The following HS3ST4 variants were observed in gnomAD, a reference collection of about 807,000 sequenced individuals.
HS3ST4 encodes heparan sulfate glucosamine 3-O-sulfotransferase 4.
HS3ST4 carries 17 observed loss-of-function variants against 29.2 expected under a neutral mutation model. The ratio of observed to expected loss-of-function variants is 0.58; its 90% confidence interval spans 0.40 to 0.87. The LOEUF is 0.87. HS3ST4 is among the 40% of genes least tolerant of loss of function. The probability of loss-of-function intolerance (pLI) is 0.00; values close to 1 mark genes in which losing one functional copy is unlikely to be tolerated. For missense variants in HS3ST4, 627 were observed against 634.5 expected, an observed-to-expected ratio of 0.99 and a Z score of 0.13; for synonymous variants, 314 against 285.7, an observed-to-expected ratio of 1.10 and a Z score of -1.00.
At chr16:25,736,492 A>G (rs11639702) in intron 1 of HS3ST4, among the ~76,000 whole-genome samples, 34,972 of 152,166 alleles carry the variant, frequency 0.23, 4,773 homozygotes, top group East Asian at 0.63. Flanking sequence ...TCGAATCTGT[A>G]AGATGCACTC....
chr16:26,055,835 C>T (rs867775624), intron 1 of HS3ST4, among the ~76,000 whole-genome samples: 4 of 152,076 alleles, frequency 2.6e-5, no homozygotes, highest in African/African-American at 9.7e-5. Flanking sequence ...AAGTGGCATG[C>T]TAACCGTCTG....
chr16:25,721,090 C>T (rs758408376), intron 1 of HS3ST4, among the ~76,000 whole-genome samples: 88 of 152,276 alleles, frequency 5.8e-4, no homozygotes, highest in Non-Finnish European at 1.1e-3. Flanking sequence ...GACACTTCAA[C>T]TGAGAAGTGA....
At chr16:26,047,996 C>T (rs1024425002) in intron 1 of HS3ST4, among the ~76,000 whole-genome samples, 1 of 152,198 alleles carries the variant, frequency 6.6e-6, no homozygotes, top group African/African-American at 2.4e-5. Flanking sequence ...ATCACCTGAG[C>T]AGTGGCAGCA....
intron 1 of HS3ST4, among the ~76,000 whole-genome samples, chr16:25,910,568 A>G (rs574475290): frequency 3.2e-4 from 48 of 152,060 alleles, no homozygotes; most frequent in African/African-American, 1.1e-3. Flanking sequence ...GCTTGAACCC[A>G]GGAGGCAGAG....
intron 1 of HS3ST4, among the ~76,000 whole-genome samples, chr16:25,760,904 G>A (rs1966784960): frequency 6.6e-6 from 1 of 152,216 alleles, no homozygotes; most frequent in Non-Finnish European, 1.5e-5. Context: ...GAGCAGGGCT[G>A]AAGGAAGTTA....
intron 1 of HS3ST4, among the ~76,000 whole-genome samples, chr16:25,844,482 C>G (rs998840767): frequency 2.0e-5 from 3 of 152,116 alleles, no homozygotes; most frequent in African/African-American, 7.2e-5. Context: ...GTAGCCATTT[C>G]TTTAATGATG....
intron 1 of HS3ST4, among the ~76,000 whole-genome samples, chr16:25,705,432 G>A (rs8057429): frequency 0.21 from 31,296 of 152,166 alleles, 3,655 homozygotes; most frequent in South Asian, 0.42. Context: ...TTGGGAGGCC[G>A]AGGCAGGCAG....
At chr16:25,853,465 C>T (rs1339097281) in intron 1 of HS3ST4, among the ~76,000 whole-genome samples, 1 of 151,948 alleles carries the variant, frequency 6.6e-6, no homozygotes, top group African/African-American at 2.4e-5. Context: ...AGAGTGGCAT[C>T]CTTATTTTGT....
intron 1 of HS3ST4, among the ~76,000 whole-genome samples, chr16:25,901,628 C>T (rs1050084073): frequency 2.0e-5 from 3 of 152,138 alleles, no homozygotes; most frequent in African/African-American, 7.2e-5. Context: ...GAGCCGAGAT[C>T]GTGCCACTGC....
chr16:25,823,335 A>G (rs1967181523), intron 1 of HS3ST4, among the ~76,000 whole-genome samples: 1 of 152,198 alleles, frequency 6.6e-6, no homozygotes, highest in Non-Finnish European at 1.5e-5. Flanking sequence ...CAAGAGAAAG[A>G]CTTGTTTCTC....
At chr16:25,740,995 G>A (rs146521065) in intron 1 of HS3ST4, among the ~76,000 whole-genome samples, 83 of 152,184 alleles carry the variant, frequency 5.5e-4, no homozygotes, top group East Asian at 1.9e-4. Context: ...TCTGTCTAGC[G>A]TCTGCTACTA....
In HS3ST4 at chr16:25,692,887, C is replaced by T. The variant is rs760766574; in HGVS notation, c.470C>T (p.Pro157Leu). ...SEMITAQSAL[P>L]EREAQESSTT... ...ATGATCACGGCTCAGAGCGCGCTGC[C>T]GGAGAGGGAAGCGCAGGAGTCCAGC... Residue 157 changes from proline to leucine, a missense_variant, in exon 1 of 2, where the codon CCG becomes CTG. Physicochemically the swap from Pro to Leu is moderately conservative, Grantham distance 98 (BLOSUM62 -3). This residue lies in a region of HS3ST4 where 402 missense variants were observed against 340.8 expected (regional missense o/e 1.18). Coordinates refer to ENST00000331351, the MANE Select transcript of HS3ST4 (RefSeq NM_006040.3). 6.4e-7 allele frequency: 1 copy of T among 1,563,784 alleles called. No homozygotes were observed. Among genetic ancestry groups the T allele is most frequent in the East Asian group, 2.4e-5 (1 of 41,858 alleles).
chr16:26,106,593 A>G (rs746552466), intron 1 of HS3ST4, among the ~76,000 whole-genome samples: 20 of 152,218 alleles, frequency 1.3e-4, no homozygotes, highest in Middle Eastern at 3.2e-3. Context: ...GAGACTAGCA[A>G]TATGGAATAA....
chr16:25,694,402 G>T (rs2966231), intron 1 of HS3ST4, among the ~76,000 whole-genome samples: 44,085 of 152,142 alleles, frequency 0.29, 6,873 homozygotes, highest in East Asian at 0.46. Context: ...AAGCTTGAGA[G>T]AAGTACACTT....
intron 1 of HS3ST4, among the ~76,000 whole-genome samples, chr16:25,996,693 G>A (rs1381366615): frequency 1.3e-5 from 2 of 152,048 alleles, no homozygotes; most frequent in Non-Finnish European, 2.9e-5. Flanking sequence ...ATCTGCCAAG[G>A]CAAGTCATTT....
At chr16:25,733,480 G>A (rs925089820) in intron 1 of HS3ST4, among the ~76,000 whole-genome samples, 2 of 152,306 alleles carry the variant, frequency 1.3e-5, no homozygotes, top group East Asian at 3.9e-4. Context: ...GGTAGTGAGT[G>A]AGACTCTGTA....
At chr16:25,792,952 A>G (rs529677758) in intron 1 of HS3ST4, among the ~76,000 whole-genome samples, 30 of 151,938 alleles carry the variant, frequency 2.0e-4, no homozygotes, top group Non-Finnish European at 3.7e-4. Context: ...TTTCAGCTGC[A>G]TTCTACCAAC....
intron 1 of HS3ST4, among the ~76,000 whole-genome samples, chr16:26,046,167 T>C (rs978347669): frequency 3.4e-5 from 5 of 146,750 alleles, no homozygotes; most frequent in Non-Finnish European, 7.4e-5. Context: ...TTTTTTTTTT[T>C]TGAGACAGAG....
intron 1 of HS3ST4, among the ~76,000 whole-genome samples, chr16:25,965,288 C>T (rs2141703807): frequency 6.6e-6 from 1 of 151,608 alleles, no homozygotes; most frequent in Admixed American, 6.6e-5. Flanking sequence ...GCAGAGGGGG[C>T]TCTGCTGTTC....
Sources: allele counts gnomAD v4.1 joint callset (sites outside exome capture counted in the v4.1 genomes callset), GRCh38; gene constraint gnomAD v4.1.1; regional missense constraint gnomAD v4.1.1; transcripts MANE v1.5; gene names NCBI Gene and HGNC (gene_info 2026-07-23, HGNC 2026-07-21).